The following FUT8 variants were observed in gnomAD, a reference collection of about 807,000 sequenced individuals.
The protein encoded by FUT8 is fucosyltransferase 8.
FUT8 carries 29 observed loss-of-function variants against 71.3 expected under a neutral mutation model. The ratio of observed to expected loss-of-function variants is 0.41; its 90% CI spans 0.30 to 0.55. The LOEUF is 0.55. Among genes scored for constraint, FUT8 ranks in the 20% least tolerant of loss-of-function variants. FUT8 has a pLI of 0.34. For missense variants in FUT8, 544 were observed against 702.1 expected, an observed-to-expected ratio of 0.77 and a Z score of 2.55; for synonymous variants, 254 against 239.3, an observed-to-expected ratio of 1.06 and a Z score of -0.57.
chr14:65,735,828 A>G (rs2071618580), intron 10 of FUT8, among the ~76,000 whole-genome samples: 1 of 152,172 alleles, frequency 6.6e-6, no homozygotes, highest in South Asian at 2.1e-4. Flanking sequence ...TTAGTAAAGA[A>G]GTATTTAGTA....
chr14:65,669,112 C>T lies in FUT8; in HGVS notation c.598-131C>T. Reference sequence around the variant, plus strand: ...ATTACTTGGGGTGTATACCAAACCCCACGACACACAATTTATCTATAGAAC... The same window carrying T: ...ATTACTTGGGGTGTATACCAAACCCTACGACACACAATTTATCTATAGAAC... On this transcript the variant is annotated intron_variant, in intron 6 of 10. Transcript: ENST00000673929. The surrounding 1 kb of genome is among the most constrained non-coding windows in gnomAD (Gnocchi z 4.5). 1.5e-6 allele frequency: 1 copy of T among 666,230 alleles called. No individual in the cohort carries two copies. Among genetic ancestry groups the T allele is most frequent in the South Asian group, 2.0e-5 (1 of 51,120 alleles). 41.3% of individuals were successfully genotyped at this position (666,230 alleles called of 1,614,324 possible). A position where few individuals can be genotyped will look rare whatever the true frequency, so the allele number is the denominator to read the frequency against.
upstream of FUT8, among the ~76,000 whole-genome samples, chr14:65,407,785 C>T (rs1330772135): frequency 6.6e-6 from 1 of 152,206 alleles, no homozygotes; most frequent in East Asian, 1.9e-4. Context: ...GACCACAGCT[C>T]AATCAAATCT....
intron 6 of FUT8, among the ~76,000 whole-genome samples, chr14:65,633,851 G>A (rs1890368294): frequency 6.6e-6 from 1 of 152,080 alleles, no homozygotes; most frequent in Non-Finnish European, 1.5e-5. Context: ...AGGGAGGTGG[G>A]GGGTCAGCCC....
At chr14:65,597,066 T>G (rs1888018680) in intron 3 of FUT8, among the ~76,000 whole-genome samples, 1 of 152,206 alleles carries the variant, frequency 6.6e-6, no homozygotes, top group Non-Finnish European at 1.5e-5. Flanking sequence ...GAACATTTAG[T>G]CCTCAAAATA....
intron 7 of FUT8, among the ~76,000 whole-genome samples, chr14:65,705,313 A>G (rs1269493408): frequency 6.6e-6 from 1 of 152,160 alleles, no homozygotes; most frequent in Non-Finnish European, 1.5e-5. Flanking sequence ...TTTCCTCCCT[A>G]TTTTAAGTGA....
At chr14:65,477,616 A>AT (rs1008752376) in intron 2 of FUT8, among the ~76,000 whole-genome samples, 228 of 150,634 alleles carry the variant, frequency 1.5e-3, no homozygotes, top group African/African-American at 4.9e-3. Flanking sequence ...AGCTTTGCTA[A>AT]TTTTTTTTTT....
chr14:65,386,431 G>A, the FUT8 span, among the ~76,000 whole-genome samples: 3 of 149,294 alleles, frequency 2.0e-5, no homozygotes, highest in South Asian at 6.4e-4. Context: ...TGAGCCCAGG[G>A]AGGCAGAGGC....
intron 1 of FUT8, among the ~76,000 whole-genome samples, chr14:65,447,432 G>A (rs2065759838): frequency 6.6e-6 from 1 of 151,856 alleles, no homozygotes; most frequent in Non-Finnish European, 1.5e-5. Flanking sequence ...AAGAGTTATA[G>A]GAAAATACCT....
intron 3 of FUT8, among the ~76,000 whole-genome samples, chr14:65,599,443 C>A (rs1772145493): frequency 6.6e-6 from 1 of 152,050 alleles, no homozygotes; most frequent in South Asian, 2.1e-4. Flanking sequence ...TGATTTATTT[C>A]TTGGTTTGGT....
At chr14:65,689,509 C>G (rs1362209145) in intron 7 of FUT8, among the ~76,000 whole-genome samples, 1 of 152,010 alleles carries the variant, frequency 6.6e-6, no homozygotes, top group African/African-American at 2.4e-5. Context: ...TTAACTATGT[C>G]TCATAGAGCA....
In FUT8 at chr14:65,652,242, G is replaced by A. The variant is rs1403328669; in HGVS notation, c.598-17001G>A. ...TGTAAGAGCCTTCAGTGGACCAGAA[G>A]CTGGAAAGGCCAGATACTCGCTTTC... On this transcript the variant is annotated intron_variant, in intron 6 of 10. Transcript: ENST00000673929. This position sits in a 1 kb window ranked among gnomAD's most constrained non-coding sequence, Gnocchi z 4.0. Among the ~76,000 whole-genome samples, 1 of 152,184 alleles carries A rather than the reference G, an allele frequency of 6.6e-6. No homozygotes were observed. Among genetic ancestry groups the A allele is most frequent in the African/African-American group, 2.4e-5 (1 of 41,446 alleles).
At chr14:65,714,261 G>C (rs74686034) in intron 7 of FUT8, among the ~76,000 whole-genome samples, 1 of 151,872 alleles carries the variant, frequency 6.6e-6, no homozygotes, top group Non-Finnish European at 1.5e-5. Flanking sequence ...ATGCTGTTTT[G>C]GTTACTATAG....
At chr14:65,731,023 T>A (rs925629712) in intron 9 of FUT8, among the ~76,000 whole-genome samples, 2 of 152,230 alleles carry the variant, frequency 1.3e-5, no homozygotes, top group African/African-American at 2.4e-5. Context: ...TTGTTAAAAG[T>A]TTTTTGTAAA....
At chr14:65,423,463 A>G (rs1038522654) in intron 1 of FUT8, among the ~76,000 whole-genome samples, 1 of 151,350 alleles carries the variant, frequency 6.6e-6, no homozygotes, top group Non-Finnish European at 1.5e-5. Flanking sequence ...GGGGTTTCAC[A>G]GTGTTAGTCA....
At chr14:65,388,590 C>T in the FUT8 span, among the ~76,000 whole-genome samples, 93 of 152,006 alleles carry the variant, frequency 6.1e-4, no homozygotes, top group Non-Finnish European at 1.2e-3. Context: ...AGTGAAACCC[C>T]GTCTCTGCTA....
At chr14:65,571,311 C>T (rs1886463322) in intron 3 of FUT8, among the ~76,000 whole-genome samples, 1 of 152,012 alleles carries the variant, frequency 6.6e-6, no homozygotes, top group South Asian at 2.1e-4. Flanking sequence ...GTCTAGAACT[C>T]AGGAAAAAAG....
chr14:65,493,458 G>A lies in FUT8; in HGVS notation c.-228+37740G>A, dbSNP rs116548434. 5.2e-3 allele frequency among the ~76,000 whole-genome samples: 791 copies of A among 152,170 alleles called. 8 individuals are homozygous for A. Among genetic ancestry groups the A allele is most frequent in the African/African-American group, 0.018 (753 of 41,548 alleles). ...GGGGAAGCTAGGAATAGAAAGAGAAGGGATAGGTTCAGGAAGCTTGACAAA... is the reference window on the plus strand; with the variant it reads ...GGGGAAGCTAGGAATAGAAAGAGAAAGGATAGGTTCAGGAAGCTTGACAAA... On this transcript the variant is annotated intron_variant, in intron 2 of 10. Transcript: ENST00000673929.
chr14:65,545,410 A>G (rs1339312495), intron 2 of FUT8, among the ~76,000 whole-genome samples: 2 of 151,882 alleles, frequency 1.3e-5, no homozygotes, highest in African/African-American at 4.8e-5. Context: ...TTTCTTTAAA[A>G]GTTTTATTTA....
chr14:65,741,577 A>G (rs1421459209), intron 10 of FUT8, among the ~76,000 whole-genome samples: 1 of 152,040 alleles, frequency 6.6e-6, no homozygotes, highest in East Asian at 1.9e-4. Context: ...TTAAAAAAAA[A>G]GAAAACAGTT....
Sources: allele counts gnomAD v4.1 joint callset (sites outside exome capture counted in the v4.1 genomes callset), GRCh38; gene constraint gnomAD v4.1.1; non-coding constraint Gnocchi (gnomAD v3.1); transcripts MANE v1.5; gene names NCBI Gene and HGNC (gene_info 2026-07-23, HGNC 2026-07-21).